Variants in TENT4B observed in about 807,000 individuals in gnomAD.
The protein encoded by TENT4B is PAP associated domain containing 5.
TENT4B carries 10 observed loss-of-function variants against 75.0 expected under a neutral mutation model. The ratio of observed to expected loss-of-function variants is 0.13; its 90% CI spans 0.08 to 0.23. The LOEUF is 0.23. Ranked by LOEUF, TENT4B falls within the 10% of genes least tolerant of loss-of-function variation. The pLI is 1.00. For synonymous variants in TENT4B, 350 were observed against 357.7 expected, an observed-to-expected ratio of 0.98 and a Z score of 0.24; for missense variants, 579 against 893.8, an observed-to-expected ratio of 0.65 and a Z score of 4.49.
intron 3 of TENT4B, 85 bp from the exon 4 acceptor site, chr16:50,215,990 A>G: frequency 6.6e-7 from 1 of 1,520,914 alleles, no homozygotes; most frequent in Non-Finnish European, 9.0e-7. Flanking sequence ...TTTTAATTGT[A>G]CTAATGAAGT....
At chr16:50,176,197 C>T (rs1597236530) in intron 1 of TENT4B, among the ~76,000 whole-genome samples, 1 of 151,838 alleles carries the variant, frequency 6.6e-6, no homozygotes, top group East Asian at 1.9e-4. Flanking sequence ...AGCTGTCCTC[C>T]CACCTCAGCC....
At chr16:50,225,342 G>T (rs2032002612) in intron 10 of TENT4B, 57 bp downstream of exon 10, 9 of 1,477,252 alleles carry the variant, frequency 6.1e-6, no homozygotes, top group South Asian at 1.3e-5. Context: ...TCTCTTGCTG[G>T]GGTTAACACT....
chr16:50,180,331 C>G (rs1318517208), intron 1 of TENT4B, among the ~76,000 whole-genome samples: 1 of 152,170 alleles, frequency 6.6e-6, no homozygotes, highest in Admixed American at 6.5e-5. Flanking sequence ...TCTCGAACTC[C>G]TAACCTTGTG....
chr16:50,223,840 C>T (rs1016093985), intron 7 of TENT4B, among the ~76,000 whole-genome samples: 13 of 152,126 alleles, frequency 8.5e-5, no homozygotes, highest in Admixed American at 8.5e-4. Flanking sequence ...TTGAATTTCT[C>T]CTTTCCTGTT....
rs138961270 is a variant in TENT4B, at chr16:50,228,105, A to G, written c.1965+102A>G. On this transcript the variant is annotated intron_variant, in intron 11 of 11. Transcript: ENST00000561678. ...AGCATGGGTTTGAAGAAAACGCTAG[A>G]TTGAAGAACAAACTTATTTTATTCT... The G allele has an allele frequency of 9.1e-5, 125 of 1,373,466 alleles. No individual in the cohort carries two copies. The East Asian group carries it at 2.6e-3, about 29-fold the overall frequency. 85.1% of individuals were successfully genotyped at this position (1,373,466 alleles called of 1,614,324 possible).
At chr16:50,166,995 T>C (rs985061035) in intron 1 of TENT4B, among the ~76,000 whole-genome samples, 1 of 151,996 alleles carries the variant, frequency 6.6e-6, no homozygotes, top group African/African-American at 2.4e-5. Context: ...GTGATCATAG[T>C]TCACTGCCAT....
intron 1 of TENT4B, among the ~76,000 whole-genome samples, chr16:50,206,441 A>G (rs1212338151): frequency 1.5e-5 from 2 of 135,480 alleles, no homozygotes; most frequent in African/African-American, 5.7e-5. Context: ...ATTGACAGTT[A>G]TCGAATAGAA....
intron 1 of TENT4B, among the ~76,000 whole-genome samples, chr16:50,185,913 C>T (rs899660099): frequency 6.6e-6 from 1 of 152,060 alleles, no homozygotes; most frequent in African/African-American, 2.4e-5. Context: ...ACACTATTGT[C>T]TGTATTTTTA....
Position 50,224,884 on chromosome 16 carries a change from C to T in TENT4B, c.1509-7C>T, listed in dbSNP as rs2031979600. The T allele has an allele frequency of 1.9e-6, 3 of 1,612,426 alleles. No individual in the cohort carries two copies. Among genetic ancestry groups the T allele is most frequent in the Non-Finnish European group, 2.5e-6 (3 of 1,178,760 alleles). ...CTCCCTCTCCCTTTCTTTTTAAACA[C>T]ATGCAGCATACTAGGTAGAATAATT... On this transcript the variant is annotated splice_region_variant and splice_polypyrimidine_tract_variant and intron_variant, in intron 8 of 11. Coordinates refer to ENST00000561678, the MANE Select transcript of TENT4B (RefSeq NM_001365324.3).
rs186202304 is a variant in TENT4B, at chr16:50,180,166, C to T, written c.638+25907C>T. On this transcript the variant is annotated intron_variant, in intron 1 of 11. Coordinates refer to ENST00000561678, the MANE Select transcript of TENT4B (RefSeq NM_001365324.3). ...TTGCCCAGGCTGGAGTGCAATGGTG[C>T]GATCTCAGCTTACTGCAACCTCTGC... Among the ~76,000 whole-genome samples the T allele has an allele frequency of 8.3e-4, 126 of 151,114 alleles. 1 individual carries two copies. In the East Asian group the frequency reaches 0.018, roughly 22 times the overall value.
chr16:50,220,780 C>T (rs377010205), intron 5 of TENT4B, among the ~76,000 whole-genome samples: 2 of 152,292 alleles, frequency 1.3e-5, no homozygotes, highest in African/African-American at 4.8e-5. Flanking sequence ...CCACCCGCCT[C>T]AGCCTCCCAG....
chr16:50,220,963 GA>G (rs2031800150), intron 5 of TENT4B, among the ~76,000 whole-genome samples: 1 of 151,956 alleles, frequency 6.6e-6, no homozygotes, highest in African/African-American at 2.4e-5. Flanking sequence ...AGGACATCTA[GA>G]AAACAGAGAT....
intron 1 of TENT4B, among the ~76,000 whole-genome samples, chr16:50,166,302 C>G (rs2038099481): frequency 6.6e-6 from 1 of 151,962 alleles, no homozygotes; most frequent in Non-Finnish European, 1.5e-5. Context: ...TCAGGCTGGT[C>G]TTGAACTCCT....
chr16:50,176,415 A>C lies in TENT4B; in HGVS notation c.638+22156A>C, dbSNP rs28874283. ...TTTATTTGTAATCCAAGTTTTATTGAAAAAAAAATCCACATATAAGTGGAC... is the reference window on the plus strand; with the variant it reads ...TTTATTTGTAATCCAAGTTTTATTGCAAAAAAAATCCACATATAAGTGGAC... On this transcript the variant is annotated intron_variant, in intron 1 of 11. Transcript: ENST00000561678. 6.0e-5 allele frequency among the ~76,000 whole-genome samples: 9 copies of C among 150,056 alleles called. No individual in the cohort carries two copies. The East Asian group carries it at 1.4e-3, about 23-fold the overall frequency.
intron 1 of TENT4B, among the ~76,000 whole-genome samples, chr16:50,159,400 A>T (rs2037962472): frequency 6.6e-6 from 1 of 151,808 alleles, no homozygotes; most frequent in Admixed American, 6.6e-5. Context: ...ATGTGCCACC[A>T]TGCCTAATTT....
intron 1 of TENT4B, among the ~76,000 whole-genome samples, chr16:50,193,028 C>T (rs1207626644): frequency 6.6e-6 from 1 of 152,142 alleles, no homozygotes; most frequent in African/African-American, 2.4e-5. Context: ...TGGTTTGTGC[C>T]ACTGCACTCT....
chr16:50,193,331 G>GGT (rs2029974492), intron 1 of TENT4B, among the ~76,000 whole-genome samples: 2 of 101,480 alleles, frequency 2.0e-5, no homozygotes, highest in African/African-American at 4.1e-5. Context: ...AGTTCCTGGA[G>GGT]TTTTTTTTTT....
chr16:50,210,811 G>GGAA (rs1297443088), intron 1 of TENT4B, among the ~76,000 whole-genome samples: 3 of 152,176 alleles, frequency 2.0e-5, no homozygotes, highest in Non-Finnish European at 4.4e-5. Context: ...CGCAGGCTCT[G>GGAA]GAAGTCTTCA....
At chr16:50,170,878 G>A (rs1316953110) in intron 1 of TENT4B, among the ~76,000 whole-genome samples, 1 of 151,968 alleles carries the variant, frequency 6.6e-6, no homozygotes, top group Non-Finnish European at 1.5e-5. Flanking sequence ...TGTTGGCTAG[G>A]CTAGTCTCAA....
Sources: allele counts gnomAD v4.1 joint callset (sites outside exome capture counted in the v4.1 genomes callset), GRCh38; gene constraint gnomAD v4.1.1; transcripts MANE v1.5; gene names NCBI Gene and HGNC (gene_info 2026-07-23, HGNC 2026-07-21).